Variants in NEU3 observed in about 807,000 individuals in gnomAD.
NEU3 encodes the protein sialidase-3.
In NEU3, 10 loss-of-function variants were observed where a neutral mutation model predicts 11.4. That is an observed-to-expected ratio of 0.88 (90% CI 0.54 to 1.49). The LOEUF (loss-of-function observed/expected upper bound fraction) is 1.49. NEU3 is among the 40% of genes most tolerant of loss of function. The pLI is 0.00. For missense variants in NEU3, 529 were observed against 581.8 expected (o/e 0.91, Z 0.93); for synonymous variants, 212 against 228.2 (o/e 0.93, Z 0.64).
chr11:74,994,673 C>G lies in NEU3; in HGVS notation c.259C>G (p.Leu87Val), dbSNP rs201747612. ...KRSTRRDEDA[L>V]HLVLRRGLRI... ...TTCTACGAGGAGAGATGAGGATGCT[C>G]TCCACCTGGTGCTGAGGCGAGGGTT... is the stretch of plus-strand genomic sequence containing the variant. The change falls in exon 2 of 3, where the codon CTC becomes GTC. Residue 87 changes from leucine to valine, a missense_variant. Leu to Val is a conservative substitution (Grantham distance 32). Coordinates refer to ENST00000294064, the MANE Select transcript of NEU3 (RefSeq NM_006656.6). The G allele has an allele frequency of 1.2e-6, 2 of 1,614,022 alleles. No individual in the cohort carries two copies. Among genetic ancestry groups the G allele is most frequent in the Non-Finnish European group, 1.7e-6 (2 of 1,179,902 alleles).
Position 75,005,945 on chromosome 11 carries a change from C to T in NEU3, c.839C>T (p.Pro280Leu), listed in dbSNP as rs1316338134. The T allele has an allele frequency of 6.2e-7, 1 of 1,613,572 alleles. No homozygotes were observed. The part of the protein sequence containing the change: ...HPVLYCSART[P>L]NRCRAEALST... ...GTGCTATATTGCAGTGCCCGGACAC[C>T]AAACAGGTGCCGGGCAGAGGCGCTC... Residue 280 changes from proline (P) to leucine (L), a missense_variant, in exon 3 of 3, where the codon CCA becomes CTA. By Grantham distance (98) the Pro-to-Leu change is moderately conservative. Transcript: ENST00000294064.
upstream of NEU3, among the ~76,000 whole-genome samples, chr11:74,984,458 A>G (rs1451901734): frequency 6.6e-6 from 1 of 152,174 alleles, no homozygotes; most frequent in African/African-American, 2.4e-5. Flanking sequence ...GGCTACTGCT[A>G]TTGCTGTAAG....
intron 2 of NEU3, among the ~76,000 whole-genome samples, chr11:75,002,576 G>A (rs1255303808): frequency 6.6e-6 from 1 of 152,170 alleles, no homozygotes. Context: ...AATGTGAAGT[G>A]ATAACATATA....
chr11:75,014,657 A>G (rs111351116), downstream of NEU3, among the ~76,000 whole-genome samples: 101 of 152,134 alleles, frequency 6.6e-4, no homozygotes, highest in African/African-American at 2.3e-3. Context: ...GTAGGTGAGG[A>G]GTTCAAGACC....
chr11:75,002,087 G>A lies in NEU3; in HGVS notation c.307-3326G>A, dbSNP rs1033117207. Among the ~76,000 whole-genome samples, 5 of 152,278 alleles carry A rather than the reference G, an allele frequency of 3.3e-5. No homozygotes were observed. In the East Asian group the frequency reaches 7.7e-4, roughly 24 times the overall value. The stretch of plus-strand genomic sequence containing the variant: ...TTTTTTGTTTTTGAAACAGGGTCTT[G>A]ATCTGTCACCTAGGGTGGAGTGCAG... On this transcript the variant is annotated intron_variant, in intron 2 of 2. Coordinates refer to ENST00000294064, the MANE Select transcript of NEU3 (RefSeq NM_006656.6).
At chr11:75,000,854 C>T (rs1377428139) in intron 2 of NEU3, among the ~76,000 whole-genome samples, 1 of 151,308 alleles carries the variant, frequency 6.6e-6, no homozygotes, top group Non-Finnish European at 1.5e-5. Flanking sequence ...GCCCGGGCTC[C>T]ATTCATCTCT....
chr11:74,996,821 C>T (rs1297560188), intron 2 of NEU3, among the ~76,000 whole-genome samples: 2 of 152,204 alleles, frequency 1.3e-5, no homozygotes, highest in African/African-American at 4.8e-5. Context: ...GTATTAGTGG[C>T]CGTGAAAACA....
chr11:75,014,411 T>C (rs1482107842), downstream of NEU3, among the ~76,000 whole-genome samples: 1 of 152,164 alleles, frequency 6.6e-6, no homozygotes, highest in East Asian at 1.9e-4. Flanking sequence ...TCTCTGAAGC[T>C]GTACCCAGTG....
chr11:75,014,561 A>G (rs1948973144), downstream of NEU3, among the ~76,000 whole-genome samples: 1 of 152,162 alleles, frequency 6.6e-6, no homozygotes. Flanking sequence ...GTCACTTGGG[A>G]AAATATAGGT....
chr11:75,000,713 G>A (rs936796558), intron 2 of NEU3, among the ~76,000 whole-genome samples: 13 of 151,484 alleles, frequency 8.6e-5, no homozygotes, highest in Admixed American at 2.6e-4. Flanking sequence ...GAACTCCTGG[G>A]CTCAAGCAAT....
rs779073288 is a variant in NEU3, at chr11:75,006,253, A to AC, written c.1152dup (p.Glu386GlyfsTer20). The AC allele has an allele frequency of 8.1e-6, 13 of 1,613,258 alleles. No individual in the cohort carries two copies. Among genetic ancestry groups the AC allele is most frequent in the Non-Finnish European group, 1.1e-5 (13 of 1,179,752 alleles). On this transcript the variant is annotated frameshift_variant, in exon 3 of 3. Transcript: ENST00000294064. LOFTEE classifies it high-confidence loss of function. ...TGACCTAGGTATCTATCTCAACCAG[A>AC]CCCCCTTGGAGGCTGCCTGCTGGTC...
chr11:74,986,231 C>T (rs1434242976), upstream of NEU3, among the ~76,000 whole-genome samples: 2 of 152,200 alleles, frequency 1.3e-5, no homozygotes, highest in African/African-American at 4.8e-5. Flanking sequence ...TATTAATGGA[C>T]ATTTAGGTCT....
upstream of NEU3, chr11:74,988,879 C>T: frequency 1.7e-6 from 1 of 600,698 alleles, no homozygotes; most frequent in Non-Finnish European, 2.9e-6. Context: ...GCCCCAACCG[C>T]CACTGACTAC....
chr11:75,004,501 T>G, intron 2 of NEU3: 3 of 454,956 alleles, frequency 6.6e-6, no homozygotes, highest in Non-Finnish European at 1.2e-5. Flanking sequence ...TTTGCCCATT[T>G]CTGTTGGATT....
chr11:74,980,588 A>G, the NEU3 span, among the ~76,000 whole-genome samples: 1 of 152,210 alleles, frequency 6.6e-6, no homozygotes, highest in South Asian at 2.1e-4. Context: ...TTTAGAATAT[A>G]TCCTGTCCCC....
At chr11:75,005,297 T>G in intron 2 of NEU3, 116 bp from the exon 3 acceptor site, 4 of 1,146,180 alleles carry the variant, frequency 3.5e-6, no homozygotes, top group East Asian at 2.6e-5. Flanking sequence ...GCCTTCGTGA[T>G]TTTATAGATT....
At chr11:74,980,928 C>T in the NEU3 span, among the ~76,000 whole-genome samples, 1 of 152,220 alleles carries the variant, frequency 6.6e-6, no homozygotes, top group Admixed American at 6.5e-5. Context: ...CACAGAGACA[C>T]GTACTTACAT....
At chr11:74,990,500 G>A (rs1948718762) in intron 1 of NEU3, among the ~76,000 whole-genome samples, 1 of 152,164 alleles carries the variant, frequency 6.6e-6, no homozygotes, top group Non-Finnish European at 1.5e-5. Flanking sequence ...GGGATTACAG[G>A]TGGATGCCAC....
rs200648775 is a variant in NEU3, at chr11:75,006,328, G to T, written c.1222G>T (p.Ala408Ser). ...CGPCGYSDLAALEEEGLFGCL... is the reference protein window; with the variant it reads ...CGPCGYSDLASLEEEGLFGCL... Reference sequence around the variant, plus strand: ...GCCCTGTGGCTACTCTGATCTGGCTGCTCTGGAGGAGGAGGGCTTGTTTGG... The same window carrying T: ...GCCCTGTGGCTACTCTGATCTGGCTTCTCTGGAGGAGGAGGGCTTGTTTGG... The change falls in exon 3 of 3, where the codon GCT becomes TCT. Residue 408 changes from alanine to serine, a missense_variant. Coordinates refer to ENST00000294064, the MANE Select transcript of NEU3 (RefSeq NM_006656.6). 267 of 1,614,026 alleles carry T rather than the reference G, an allele frequency of 1.7e-4. 1 individual carries two copies. The highest frequency in any genetic ancestry group is 1.5e-3 in the East Asian group (68 of 44,872).
Sources: allele counts gnomAD v4.1 joint callset (sites outside exome capture counted in the v4.1 genomes callset), GRCh38; gene constraint gnomAD v4.1.1; transcripts MANE v1.5; gene names NCBI Gene and HGNC (gene_info 2026-07-23, HGNC 2026-07-21).